XRCC6: variants seen among roughly 807,000 people sequenced by gnomAD.
The protein encoded by XRCC6 is X-ray repair cross complementing 6.
A neutral mutation model predicts 65.7 loss-of-function variants in XRCC6; 5 were observed. That is an observed-to-expected ratio of 0.08 (90% CI 0.04 to 0.16). The LOEUF is 0.16. Among genes scored for constraint, XRCC6 ranks in the 10% least tolerant of loss-of-function variants. The pLI is 1.00. For missense variants in XRCC6, 447 were observed against 738.1 expected (o/e 0.61, Z 4.57); for synonymous variants, 270 against 270.6 (o/e 1.00, Z 0.02).
intron 2 of XRCC6, among the ~76,000 whole-genome samples, chr22:41,626,848 G>C (rs546148490): frequency 2.0e-5 from 3 of 151,370 alleles, no homozygotes; most frequent in Non-Finnish European, 4.4e-5. Flanking sequence ...CACCGTATTA[G>C]CTAGGATGGT....
chr22:41,637,578 C>T lies in XRCC6; in HGVS notation c.590-30C>T. 4 of 1,502,566 alleles carry T rather than the reference C, an allele frequency of 2.7e-6. No individual in the cohort carries two copies. The South Asian group carries it at 3.9e-5, about 15-fold the overall frequency. 93.1% of individuals were successfully genotyped at this position (1,502,566 alleles called of 1,614,324 possible). ...CTCACTTGCTGAAAATTGTTTTTTC[C>T]TCCCTCACTTTTGTTTACCCTTGCA... On this transcript the variant is annotated intron_variant, in intron 5 of 12. Transcript: ENST00000360079.
chr22:41,651,935 C>A (rs571859364), intron 8 of XRCC6, among the ~76,000 whole-genome samples: 3 of 151,870 alleles, frequency 2.0e-5, no homozygotes. Context: ...AGGTGCACGC[C>A]ACCACGCCCG....
intron 2 of XRCC6, among the ~76,000 whole-genome samples, chr22:41,626,166 G>A (rs1315150610): frequency 1.4e-5 from 2 of 148,014 alleles, no homozygotes; most frequent in Non-Finnish European, 3.0e-5. Flanking sequence ...TTTTTGAGAC[G>A]GGTTCTCGCT....
At chr22:41,651,852 C>T (rs745950918) in intron 8 of XRCC6, among the ~76,000 whole-genome samples, 11 of 152,060 alleles carry the variant, frequency 7.2e-5, no homozygotes, top group Middle Eastern at 3.4e-3. Context: ...GGCGCAATCT[C>T]GGCTCACTGC....
chr22:41,651,806 A>AT (rs28741129), intron 8 of XRCC6, among the ~76,000 whole-genome samples: 6,050 of 146,582 alleles, frequency 0.041, 259 homozygotes, highest in African/African-American at 0.096. Context: ...ATTTTTATTC[A>AT]TTTTTTTGTT....
At chr22:41,634,483 G>GGTGAACTGATGAGCTCTTACAAGA in intron 3 of XRCC6, among the ~76,000 whole-genome samples, 1 of 151,624 alleles carries the variant, frequency 6.6e-6, no homozygotes, top group East Asian at 1.9e-4. Flanking sequence ...ACTGTACCTG[G>GGTGAACTGATGAGCTCTTACAAGA]CCCGAAGACT....
At chr22:41,622,513 A>G (rs963647773) in intron 2 of XRCC6, among the ~76,000 whole-genome samples, 1 of 152,180 alleles carries the variant, frequency 6.6e-6, no homozygotes, top group Non-Finnish European at 1.5e-5. Context: ...CCCTCACTAT[A>G]GCCTCCACGT....
intron 6 of XRCC6, among the ~76,000 whole-genome samples, chr22:41,642,993 G>C (rs985059022): frequency 6.6e-6 from 1 of 152,136 alleles, no homozygotes; most frequent in East Asian, 1.9e-4. Context: ...TTGTCTCCAC[G>C]GTGTGAACCT....
chr22:41,658,405 C>A, intron 11 of XRCC6, 53 bp downstream of exon 11: 1 of 1,524,602 alleles, frequency 6.6e-7, no homozygotes, highest in Non-Finnish European at 9.1e-7. Flanking sequence ...CTTACTGGTT[C>A]CACTCTGCAC....
chr22:41,656,876 C>G, intron 9 of XRCC6, 27 bp from the exon 10 acceptor site: 1 of 1,611,602 alleles, frequency 6.2e-7, no homozygotes, highest in Non-Finnish European at 8.5e-7. Context: ...GAAGTCAAAT[C>G]AAAGAAAATT....
chr22:41,656,342 G>A (rs1410420318), intron 9 of XRCC6, among the ~76,000 whole-genome samples: 2 of 151,764 alleles, frequency 1.3e-5, no homozygotes, highest in Non-Finnish European at 2.9e-5. Context: ...CCAACATGGC[G>A]AAACCCCATC....
At chr22:41,655,080 T>C (rs1194785176) in intron 9 of XRCC6, among the ~76,000 whole-genome samples, 1 of 152,196 alleles carries the variant, frequency 6.6e-6, no homozygotes, top group Non-Finnish European at 1.5e-5. Flanking sequence ...AGATTGACTG[T>C]CAAGGTAATC....
At chr22:41,658,112 C>T (rs974923399) in intron 10 of XRCC6, 140 bp from the exon 11 acceptor site, 18 of 746,174 alleles carry the variant, frequency 2.4e-5, no homozygotes, top group Middle Eastern at 3.9e-4. Flanking sequence ...GCATGGGCTA[C>T]TGCACCTGAC....
At chr22:41,644,810 G>T (rs1324746499) in intron 6 of XRCC6, among the ~76,000 whole-genome samples, 1 of 152,042 alleles carries the variant, frequency 6.6e-6, no homozygotes, top group Non-Finnish European at 1.5e-5. Flanking sequence ...TTTTCAAGAG[G>T]TCCTGTTGCT....
chr22:41,647,753 A>G (rs1387973743), intron 7 of XRCC6, among the ~76,000 whole-genome samples: 2 of 151,904 alleles, frequency 1.3e-5, no homozygotes, highest in African/African-American at 4.8e-5. Flanking sequence ...TGTTTTGTTT[A>G]ATAGAGATGA....
intron 10 of XRCC6, 90 bp from the exon 11 acceptor site, chr22:41,658,162 C>T (rs1453074147): frequency 1.6e-5 from 21 of 1,310,344 alleles, no homozygotes; most frequent in South Asian, 2.4e-5. Context: ...CAGCTCACCC[C>T]GGACCTGTAG....
At chr22:41,641,363 G>A (rs1382157126) in intron 6 of XRCC6, among the ~76,000 whole-genome samples, 1 of 152,086 alleles carries the variant, frequency 6.6e-6, no homozygotes, top group Non-Finnish European at 1.5e-5. Flanking sequence ...ATACTTATAG[G>A]ATCCATGAGA....
At chr22:41,661,211 G>A in intron 11 of XRCC6, 120 bp from the exon 12 acceptor site, 1 of 786,330 alleles carries the variant, frequency 1.3e-6, no homozygotes, top group Non-Finnish European at 2.1e-6. Flanking sequence ...CATTTCCCTA[G>A]ACCCCTCCCA....
At chr22:41,627,208 A>G (rs938411141) in intron 2 of XRCC6, among the ~76,000 whole-genome samples, 2 of 152,262 alleles carry the variant, frequency 1.3e-5, no homozygotes, top group Non-Finnish European at 2.9e-5. Context: ...AAGAGGCTTT[A>G]GAAAATTAAG....
Sources: allele counts gnomAD v4.1 joint callset (sites outside exome capture counted in the v4.1 genomes callset), GRCh38; gene constraint gnomAD v4.1.1; transcripts MANE v1.5; gene names NCBI Gene and HGNC (gene_info 2026-07-23, HGNC 2026-07-21).